SIRPG: variants seen among roughly 807,000 people sequenced by gnomAD.
SIRPG encodes the protein signal regulatory protein gamma, also known as signal-regulatory protein gamma.
Under a neutral mutation model 35.7 loss-of-function variants are expected in SIRPG, and 38 were observed. That is an observed-to-expected ratio of 1.06 (90% CI 0.82 to 1.40). SIRPG has a LOEUF of 1.40. Ranked by LOEUF, SIRPG falls within the 40% of genes most tolerant of loss-of-function variation. The probability of loss-of-function intolerance (pLI) is 0.00; values close to 1 mark genes in which losing one functional copy is unlikely to be tolerated. For synonymous variants in SIRPG, 215 were observed against 190.4 expected, an observed-to-expected ratio of 1.13 and a Z score of -1.06; for missense variants, 519 against 483.0, an observed-to-expected ratio of 1.07 and a Z score of -0.70.
intron 2 of SIRPG, among the ~76,000 whole-genome samples, chr20:1,640,685 C>T (rs1459109430): frequency 6.6e-6 from 1 of 152,108 alleles, no homozygotes; most frequent in East Asian, 1.9e-4. Context: ...TTGTCTTGTG[C>T]TGGTTTTCAA....
chr20:1,675,718 TCTGTTA>T, the SIRPG span, among the ~76,000 whole-genome samples: 1 of 152,188 alleles, frequency 6.6e-6, no homozygotes. Context: ...CAAGTACATT[TCTGTTA>T]CATTAGGATT....
At chr20:1,631,454 G>A (rs1157400530) in intron 4 of SIRPG, among the ~76,000 whole-genome samples, 2 of 152,156 alleles carry the variant, frequency 1.3e-5, no homozygotes, top group Non-Finnish European at 2.9e-5. Context: ...TCCTCCGCAG[G>A]AGCAGCTGGG....
the SIRPG span, among the ~76,000 whole-genome samples, chr20:1,669,671 A>G: frequency 1.3e-5 from 2 of 152,222 alleles, no homozygotes; most frequent in African/African-American, 4.8e-5. Context: ...ACAGGACTCC[A>G]TGAGCAGATG....
chr20:1,647,409 A>G (rs4813192), intron 2 of SIRPG: 19,693 of 152,302 alleles, frequency 0.13, 1,468 homozygotes, highest in Non-Finnish European at 0.16. Flanking sequence ...GTCTTTGCCT[A>G]TATTATCTGA....
At chr20:1,655,935 A>G (rs918032101) in intron 1 of SIRPG, among the ~76,000 whole-genome samples, 3 of 152,132 alleles carry the variant, frequency 2.0e-5, no homozygotes, top group African/African-American at 7.2e-5. Flanking sequence ...TGTGTATATA[A>G]TGTGTATATA....
rs200982024 is a variant in SIRPG at position 1,635,404 on chromosome 20, A to G, written c.944T>C (p.Leu315Pro). ...ATCCCTTTGGTCAGATATGTTCACC[A>G]GGAACCAGCTTGTCCAGTTGTAGGT... ...DGTYNWTSWF[L>P]VNISDQRDDV... is the part of the protein sequence containing the mutation. Residue 315 changes from leucine (L) to proline (P), a missense_variant, in exon 4 of 6, where the codon CTG (leucine) becomes CCG (proline). Transcript: ENST00000303415. 5 of 1,614,154 alleles carry G rather than the reference A, an allele frequency of 3.1e-6. No individual in the cohort carries two copies. Among genetic ancestry groups the G allele is most frequent in the Non-Finnish European group, 4.2e-6 (5 of 1,180,022 alleles).
chr20:1,629,824 C>G (rs2091734493), intron 5 of SIRPG, among the ~76,000 whole-genome samples, 188 bp from the exon 6 acceptor site: 1 of 152,130 alleles, frequency 6.6e-6, no homozygotes, highest in Admixed American at 6.5e-5. Flanking sequence ...TCCTTCCACT[C>G]AGACACACAG....
At chr20:1,637,869 T>A (rs1347885920) in intron 2 of SIRPG, 1 of 152,168 alleles carries the variant, frequency 6.6e-6, no homozygotes, top group East Asian at 1.9e-4. Context: ...GGGTAGTTTC[T>A]CCCTGTAGAT....
intron 2 of SIRPG, chr20:1,645,913 T>C (rs1220617894): frequency 2.6e-5 from 4 of 152,272 alleles, no homozygotes; most frequent in Non-Finnish European, 5.9e-5. Flanking sequence ...AACTGAGGAC[T>C]CAAGGGAAGG....
chr20:1,630,324 C>T lies in SIRPG; in HGVS notation c.1082-18G>A, dbSNP rs776721868. The T allele has an allele frequency of 1.4e-5, 21 of 1,544,656 alleles. No homozygotes were observed. The highest frequency in any genetic ancestry group is 7.3e-5 in the East Asian group (3 of 41,222). ...TGCCGGGCCTGGAAATCAGGGAAGA[C>T]GAGGGGCTATGAGAGAGACCACTTG... On this transcript the variant is annotated intron_variant, in intron 4 of 5. Transcript: ENST00000303415.
In SIRPG at chr20:1,630,247, C is replaced by G; in HGVS notation, c.1141G>C (p.Val381Leu). The G allele has an allele frequency of 6.4e-7, 1 of 1,572,970 alleles. No individual in the cohort carries two copies. The highest frequency in any genetic ancestry group is 8.6e-7 in the Non-Finnish European group (1 of 1,158,248). The change falls in exon 5 of 6, where the codon GTC becomes CTC. Residue 381 changes from valine (V) to leucine (L), a missense_variant. Val to Leu is a conservative substitution (Grantham distance 32, BLOSUM62 1). Coordinates refer to ENST00000303415, the MANE Select transcript of SIRPG (RefSeq NM_018556.4). ...AGTCAGGTCTTCTGCTTCCAGGGGA[C>G]GTAGATGGGGCCCAGGAGGACAGCT... ...LIAVLLGPIY[V>L]PWKQKT
chr20:1,636,345 G>T lies in SIRPG; in HGVS notation c.591C>A (p.Asp197Glu), dbSNP rs749599207. ...NELSDFQTNVDPTGQSVAYSI... is the reference protein window; with the variant it reads ...NELSDFQTNVEPTGQSVAYSI... ...TGTAGGCCACACTCTGTCCTGTGGG[G>T]TCCACGTTGGTCTGGAAGTCTGAGA... Residue 197 changes from aspartate to glutamate, a missense_variant, in exon 3 of 6, where the codon GAC becomes GAA. Asp to Glu is a conservative substitution (Grantham distance 45). Transcript: ENST00000303415. 6.2e-7 allele frequency: 1 copy of T among 1,614,130 alleles called. No homozygotes were observed. Among genetic ancestry groups the T allele is most frequent in the African/African-American group, 1.3e-5 (1 of 74,938 alleles).
chr20:1,658,842 T>G (rs2091988278), upstream of SIRPG, among the ~76,000 whole-genome samples: 1 of 152,156 alleles, frequency 6.6e-6, no homozygotes, highest in South Asian at 2.1e-4. Flanking sequence ...CCAGGCCTCC[T>G]GAGACCCAGC....
At chr20:1,638,708 C>T (rs1568727773) in intron 2 of SIRPG, among the ~76,000 whole-genome samples, 1 of 151,944 alleles carries the variant, frequency 6.6e-6, no homozygotes, top group Admixed American at 6.6e-5. Flanking sequence ...CTTATCAACC[C>T]ATCATCTAGA....
In SIRPG at chr20:1,650,061, T is replaced by A. The variant is rs956582346; in HGVS notation, c.74-653A>T. ...AGTGTCATATATATTTTTATATATT[T>A]TATATATATATATGTATTTAAAAAC... On this transcript the variant is annotated intron_variant, in intron 1 of 5. Coordinates refer to ENST00000303415, the MANE Select transcript of SIRPG (RefSeq NM_018556.4). Among the ~76,000 whole-genome samples the A allele has an allele frequency of 3.5e-5, 5 of 143,540 alleles. No homozygotes were observed. The East Asian group carries it at 6.0e-4, about 17-fold the overall frequency. 94.2% of individuals were successfully genotyped at this position (143,540 alleles called of 152,430 possible). A position where few individuals can be genotyped will look rare whatever the true frequency, so the allele number is the denominator to read the frequency against.
intron 2 of SIRPG, 24 bp downstream of exon 2, chr20:1,649,028 G>A: frequency 6.4e-7 from 1 of 1,571,112 alleles, no homozygotes; most frequent in Non-Finnish European, 8.8e-7. Flanking sequence ...ATCAGGGGAT[G>A]AGGGAGGTCC....
At chr20:1,668,175 CTTTCTTTCTTTCTTTTTCTTTTCT>C in the SIRPG span, among the ~76,000 whole-genome samples, 2 of 85,668 alleles carry the variant, frequency 2.3e-5, no homozygotes, top group African/African-American at 4.1e-5. Flanking sequence ...CTTTTCTTTT[CTTTCTTTCTTTCTTTTTCTTTTCT>C]TTTCTTTCTT....
the SIRPG span, among the ~76,000 whole-genome samples, chr20:1,684,942 C>G: frequency 6.6e-6 from 1 of 152,170 alleles, no homozygotes; most frequent in African/African-American, 2.4e-5. Flanking sequence ...TGAACTCTTA[C>G]CACTGTCATT....
chr20:1,643,822 T>C lies in SIRPG; in HGVS notation c.430+5230A>G, dbSNP rs368463251. Reference sequence around the variant, plus strand: ...GTTTTTCTTTCAATGGTCAGGTCCCTTCCCTGCAAGGCTGCTGCAGTTTGT... The same window carrying C: ...GTTTTTCTTTCAATGGTCAGGTCCCCTCCCTGCAAGGCTGCTGCAGTTTGT... On this transcript the variant is annotated intron_variant, in intron 2 of 5. Coordinates refer to ENST00000303415, the MANE Select transcript of SIRPG (RefSeq NM_018556.4). 2.0e-4 allele frequency among the ~76,000 whole-genome samples: 31 copies of C among 152,232 alleles called. 3 individuals are homozygous for C. The East Asian group carries it at 2.1e-3, about 10-fold the overall frequency.
Sources: allele counts gnomAD v4.1 joint callset (sites outside exome capture counted in the v4.1 genomes callset), GRCh38; gene constraint gnomAD v4.1.1; transcripts MANE v1.5; gene names NCBI Gene and HGNC (gene_info 2026-07-23, HGNC 2026-07-21).